The following SH3PXD2B variants were observed in gnomAD, a reference collection of about 807,000 sequenced individuals.
SH3PXD2B encodes SH3 and PX domains 2B.
In SH3PXD2B, 37 loss-of-function variants were observed where a neutral mutation model predicts 73.1. That is an observed-to-expected ratio of 0.51 (90% CI 0.39 to 0.67). The LOEUF (loss-of-function observed/expected upper bound fraction) is 0.67. Among genes scored for constraint, SH3PXD2B ranks in the 30% least tolerant of loss-of-function variants. The pLI is 0.00. For synonymous variants in SH3PXD2B, 457 were observed against 480.5 expected (o/e 0.95, Z 0.64); for missense variants, 1,053 against 1,197.8 (o/e 0.88, Z 1.78).
At chr5:172,416,631 T>C (rs1431747531) in intron 2 of SH3PXD2B, among the ~76,000 whole-genome samples, 1 of 34,082 alleles carries the variant, frequency 2.9e-5, no homozygotes, top group African/African-American at 3.5e-4. Flanking sequence ...CGGCCTCTAC[T>C]TTTTTTTTTT....
Position 172,337,211 on chromosome 5 carries a change from G to C in SH3PXD2B, c.*1158C>G. On this transcript the variant is annotated 3_prime_UTR_variant, in exon 13 of 13. Coordinates refer to ENST00000311601, the MANE Select transcript of SH3PXD2B (RefSeq NM_001017995.3). ...TAGGCTGCTGTGGGCTGGAGGGATG[G>C]TGGGTGTGGGAGCAGCCACGAATGC... The C allele has an allele frequency of 2.0e-6, 2 of 985,320 alleles. No homozygotes were observed. The highest frequency in any genetic ancestry group is 1.2e-6 in the Non-Finnish European group (1 of 829,996). The allele number at this position is 985,320 out of a possible 1,614,324, so 61.0% of individuals were successfully genotyped here. A position where few individuals can be genotyped will look rare whatever the true frequency, so the allele number is the denominator to read the frequency against.
Position 172,338,970 on chromosome 5 carries a change from C to T in SH3PXD2B, c.2135G>A (p.Arg712Lys). Reference protein sequence around the residue: ...PGEGPGRAQDRTGKQDGLSPK... With the variant: ...PGEGPGRAQDKTGKQDGLSPK... ...GCTGAGACCATCCTGTTTGCCCGTC[C>T]TGTCCTGGGCGCGGCCAGGCCCCTC... Residue 712 changes from arginine to lysine, a missense_variant, in exon 13 of 13, where the codon AGG becomes AAG. Physicochemically the swap from Arg to Lys is conservative, Grantham distance 26. Coordinates refer to ENST00000311601, the MANE Select transcript of SH3PXD2B (RefSeq NM_001017995.3). The surrounding 1 kb of genome is among the most constrained non-coding windows in gnomAD (Gnocchi z 5.1). 3 of 1,614,156 alleles carry T rather than the reference C, an allele frequency of 1.9e-6. No individual in the cohort carries two copies. Among genetic ancestry groups the T allele is most frequent in the Non-Finnish European group, 2.5e-6 (3 of 1,179,980 alleles).
downstream of SH3PXD2B, among the ~76,000 whole-genome samples, chr5:172,329,248 GT>G (rs5873307): frequency 0.067 from 9,981 of 148,522 alleles, 1,101 homozygotes; most frequent in African/African-American, 0.23. Context: ...GCCCAGCTAA[GT>G]TTTTTTGTAT....
rs1756660552 is a variant in SH3PXD2B, at chr5:172,335,290, C to T, written c.*3079G>A. On this transcript the variant is annotated 3_prime_UTR_variant, in exon 13 of 13. Coordinates refer to ENST00000311601, the MANE Select transcript of SH3PXD2B (RefSeq NM_001017995.3). ...TTTTGGGCTGCCATTTGGCCTGTGA[C>T]CTACTGAAATGTGTGAGCAAGGGGC... The T allele has an allele frequency of 8.8e-7, 1 of 1,141,052 alleles. No homozygotes were observed. The highest frequency in any genetic ancestry group is 1.1e-6 in the Non-Finnish European group (1 of 931,256). 70.7% of individuals were successfully genotyped at this position (1,141,052 alleles called of 1,614,324 possible). A position where few individuals can be genotyped will look rare whatever the true frequency, so the allele number is the denominator to read the frequency against.
intron 2 of SH3PXD2B, among the ~76,000 whole-genome samples, chr5:172,412,480 T>C (rs1758723085): frequency 1.3e-5 from 2 of 152,246 alleles, no homozygotes; most frequent in Admixed American, 6.5e-5. Flanking sequence ...TCCTCCTATT[T>C]AAACCACATC....
At chr5:172,371,716 CTCA>C (rs1175400401) in intron 6 of SH3PXD2B, among the ~76,000 whole-genome samples, 1 of 152,196 alleles carries the variant, frequency 6.6e-6, no homozygotes, top group Non-Finnish European at 1.5e-5. Context: ...GACAAATCCC[CTCA>C]TCAAGCCCGT....
In SH3PXD2B at chr5:172,335,686, A is replaced by C; in HGVS notation, c.*2683T>G. 8.1e-7 allele frequency: 1 copy of C among 1,231,766 alleles called. No individual in the cohort carries two copies. The highest frequency in any genetic ancestry group is 4.2e-5 in the Admixed American group (1 of 23,712). 76.3% of individuals were successfully genotyped at this position (1,231,766 alleles called of 1,614,324 possible). On this transcript the variant is annotated 3_prime_UTR_variant, in exon 13 of 13. Coordinates refer to ENST00000311601, the MANE Select transcript of SH3PXD2B (RefSeq NM_001017995.3). The stretch of plus-strand genomic sequence containing the variant: ...AGGGGAGTTCTGCATATGCGCCATC[A>C]ATCGCTCACAGAATAGCGACCACAG...
intron 5 of SH3PXD2B, among the ~76,000 whole-genome samples, chr5:172,378,161 T>C (rs994716086): frequency 3.3e-5 from 5 of 152,188 alleles, no homozygotes; most frequent in Non-Finnish European, 7.3e-5. Flanking sequence ...CCTTCTTGAA[T>C]GAAGATGACC....
At chr5:172,406,398 C>G in intron 2 of SH3PXD2B, 46 bp from the exon 3 acceptor site, 11 of 1,578,502 alleles carry the variant, frequency 7.0e-6, no homozygotes, top group Non-Finnish European at 9.6e-6. Context: ...TCATAATGCA[C>G]TAAACATCAT....
chr5:172,448,426 C>T (rs111993689), intron 1 of SH3PXD2B, among the ~76,000 whole-genome samples: 1 of 152,196 alleles, frequency 6.6e-6, no homozygotes, highest in Non-Finnish European at 1.5e-5. Flanking sequence ...TCTCGGCTCA[C>T]TGCAACCTCC....
At chr5:172,366,959 CAG>C (rs1437803520) in intron 6 of SH3PXD2B, among the ~76,000 whole-genome samples, 5 of 43,412 alleles carry the variant, frequency 1.2e-4, no homozygotes, top group Admixed American at 3.8e-4. Context: ...TTTTTGGGGA[CAG>C]AGTCTTGCCC....
In SH3PXD2B at chr5:172,336,451, A is replaced by G; in HGVS notation, c.*1918T>C. 1 of 986,034 alleles carries G rather than the reference A, an allele frequency of 1.0e-6. No individual in the cohort carries two copies. Among genetic ancestry groups the G allele is most frequent in the South Asian group, 4.7e-5 (1 of 21,290 alleles). 61.1% of individuals were successfully genotyped at this position (986,034 alleles called of 1,614,324 possible). On this transcript the variant is annotated 3_prime_UTR_variant, in exon 13 of 13. Coordinates refer to ENST00000311601, the MANE Select transcript of SH3PXD2B (RefSeq NM_001017995.3). ...AGCCTCTCTGGGAAATGGGATTTGC[A>G]GGCCGACTGGACGAAGGCACTAAAG...
chr5:172,341,617 CTCTTT>C (rs765269941), intron 12 of SH3PXD2B, among the ~76,000 whole-genome samples: 13 of 152,064 alleles, frequency 8.5e-5, no homozygotes, highest in Non-Finnish European at 1.6e-4. Context: ...TCAAGTAAAC[CTCTTT>C]TCTTTATAAA....
At position 172,334,373 on chromosome 5, in the gene SH3PXD2B, C is replaced by CCTCTGCACCCTCAGG. The variant is rs1756637822; in HGVS notation, c.*3995_*3996insCCTGAGGGTGCAGAG. The CCTCTGCACCCTCAGG allele has an allele frequency of 2.0e-6, 2 of 992,992 alleles. No individual in the cohort carries two copies. The highest frequency in any genetic ancestry group is 9.3e-5 in the South Asian group (2 of 21,584). 61.5% of individuals were successfully genotyped at this position (992,992 alleles called of 1,614,324 possible). A position where few individuals can be genotyped will look rare whatever the true frequency, so the allele number is the denominator to read the frequency against. The stretch of plus-strand genomic sequence containing the variant: ...AATTCCTCCAGGCCAAGAGAGGGCG[C>CCTCTGCACCCTCAGG]CCTGCACCCTCAGGCCTCGATGCAT... On this transcript the variant is annotated 3_prime_UTR_variant, in exon 13 of 13. Coordinates refer to ENST00000311601, the MANE Select transcript of SH3PXD2B (RefSeq NM_001017995.3).
intron 4 of SH3PXD2B, among the ~76,000 whole-genome samples, chr5:172,391,066 C>G (rs1303930601): frequency 6.6e-6 from 1 of 152,120 alleles, no homozygotes; most frequent in East Asian, 1.9e-4. Context: ...GTCTCGAACT[C>G]CCGACCTCAG....
intron 1 of SH3PXD2B, among the ~76,000 whole-genome samples, chr5:172,441,306 G>A (rs1235658144): frequency 1.3e-5 from 2 of 152,168 alleles, no homozygotes; most frequent in African/African-American, 4.8e-5. Context: ...GTTTGTACTC[G>A]GGCCTGGCTG....
chr5:172,368,864 T>C (rs1757636973), intron 6 of SH3PXD2B, among the ~76,000 whole-genome samples: 1 of 116,544 alleles, frequency 8.6e-6, no homozygotes, highest in Non-Finnish European at 1.7e-5. Flanking sequence ...TATATATATA[T>C]GTTTTTAAAT....
chr5:172,441,628 T>C (rs149420997), intron 1 of SH3PXD2B, among the ~76,000 whole-genome samples: 1 of 152,292 alleles, frequency 6.6e-6, no homozygotes, highest in African/African-American at 2.4e-5. Flanking sequence ...CAAAGCTGGG[T>C]ACCCTGGTGA....
intron 12 of SH3PXD2B, among the ~76,000 whole-genome samples, chr5:172,340,420 T>C (rs1398777512): frequency 6.6e-6 from 1 of 152,144 alleles, no homozygotes; most frequent in East Asian, 1.9e-4. Flanking sequence ...AGCTGTCGGC[T>C]TGCAGGGACC....
Sources: gnomAD v4.1 joint callset for allele counts (sites outside exome capture counted in the v4.1 genomes callset) on GRCh38, gnomAD v4.1.1 for gene constraint, Gnocchi (gnomAD v3.1) non-coding constraint, MANE v1.5 for transcripts, NCBI Gene and HGNC (gene_info 2026-07-23, HGNC 2026-07-21) for gene names.